CADM1: variants seen among roughly 807,000 people sequenced by gnomAD.
The protein encoded by CADM1 is cell adhesion molecule 1.
In CADM1, 15 loss-of-function variants were observed where a neutral mutation model predicts 53.1. The ratio of observed to expected loss-of-function variants is 0.28; its 90% CI spans 0.19 to 0.44. The LOEUF is 0.44. Ranked by LOEUF, CADM1 falls within the 20% of genes least tolerant of loss-of-function variation. The pLI, the probability that CADM1 is intolerant of heterozygous loss-of-function variation, is 1.00. For missense variants in CADM1, 434 were observed against 611.3 expected (o/e 0.71, Z 3.06); for synonymous variants, 281 against 243.0 (o/e 1.16, Z -1.45).
chr11:115,169,310 G>T lies in CADM1; in HGVS notation c.*7164C>A. 4.5e-6 allele frequency: 1 copy of T among 220,530 alleles called. No homozygotes were observed. Among genetic ancestry groups the T allele is most frequent in the South Asian group, 5.8e-5 (1 of 17,110 alleles). 13.7% of individuals were successfully genotyped at this position (220,530 alleles called of 1,614,324 possible). A position where few individuals can be genotyped will look rare whatever the true frequency, so the allele number is the denominator to read the frequency against. On this transcript the variant is annotated 3_prime_UTR_variant, in exon 12 of 12. Coordinates refer to ENST00000331581, the MANE Select transcript of CADM1 (RefSeq NM_001301043.2). ...TTGGCTGGGGCTAACGTGACTCAAG[G>T]CCCTTCTCGATGCATTGGTGTCTCT...
At position 115,174,320 on chromosome 11, in the gene CADM1, G is replaced by A. The variant is rs1366726132; in HGVS notation, c.*2154C>T. 4.1e-6 allele frequency: 4 copies of A among 981,936 alleles called. No homozygotes were observed. In the African/African-American group the frequency reaches 7.1e-5, roughly 17 times the overall value. 60.8% of individuals were successfully genotyped at this position (981,936 alleles called of 1,614,324 possible). On this transcript the variant is annotated 3_prime_UTR_variant, in exon 12 of 12. Coordinates refer to ENST00000331581, the MANE Select transcript of CADM1 (RefSeq NM_001301043.2). ...TTCTTTTTTTCTAAAAAGAACAACTGAAAAAAAACCTTTCAACAACATGCT... is the reference window on the plus strand; with the variant it reads ...TTCTTTTTTTCTAAAAAGAACAACTAAAAAAAAACCTTTCAACAACATGCT...
chr11:115,200,160 G>A (rs1441852047), intron 8 of CADM1, among the ~76,000 whole-genome samples: 35 of 152,200 alleles, frequency 2.3e-4, no homozygotes, highest in Non-Finnish European at 2.4e-4. Context: ...ATGAAGGAAA[G>A]AGAAACATAC....
chr11:115,234,916 AAAAAAT>A, intron 3 of CADM1, among the ~76,000 whole-genome samples: 1 of 151,508 alleles, frequency 6.6e-6, no homozygotes, highest in African/African-American at 2.4e-5. Context: ...AAAAAAAAAA[AAAAAAT>A]TTGCCCAGTG....
chr11:115,405,050 C>T (rs1947279964), intron 1 of CADM1, among the ~76,000 whole-genome samples: 1 of 152,092 alleles, frequency 6.6e-6, no homozygotes, highest in African/African-American at 2.4e-5. Context: ...GTCTCAAACT[C>T]CTAGGCTCAA....
chr11:115,476,416 A>ATTGT (rs142381133), intron 1 of CADM1, among the ~76,000 whole-genome samples: 5 of 151,906 alleles, frequency 3.3e-5, no homozygotes, highest in African/African-American at 4.8e-5. Flanking sequence ...TGTTTGTTTG[A>ATTGT]TTGTTTGTTT....
At chr11:115,497,906 C>CA (rs1244804451) in intron 1 of CADM1, among the ~76,000 whole-genome samples, 2 of 103,632 alleles carry the variant, frequency 1.9e-5, no homozygotes, top group African/African-American at 3.7e-5. Flanking sequence ...TGTCTGGAAA[C>CA]AAAAAAACCA....
Position 115,411,979 on chromosome 11 carries a change from C to T in CADM1, c.124+92292G>A, listed in dbSNP as rs552672253. Among the ~76,000 whole-genome samples the T allele has an allele frequency of 1.1e-4, 17 of 152,114 alleles. No individual in the cohort carries two copies. The South Asian group carries it at 3.3e-3, about 30-fold the overall frequency. ...CTAAAAACAGAAATTTTTACAAAAC[C>T]ACTAATAACAGACTTCAAGATTTTT... On this transcript the variant is annotated intron_variant, in intron 1 of 11. Coordinates refer to ENST00000331581, the MANE Select transcript of CADM1 (RefSeq NM_001301043.2).
intron 1 of CADM1, among the ~76,000 whole-genome samples, chr11:115,320,381 AG>A (rs1339920597): frequency 7.1e-4 from 108 of 152,316 alleles, no homozygotes; most frequent in African/African-American, 2.4e-3. Context: ...AATTTTAATT[AG>A]ATGAAAATCT....
intron 1 of CADM1, among the ~76,000 whole-genome samples, chr11:115,464,504 A>G (rs1948857198): frequency 6.6e-6 from 1 of 152,146 alleles, no homozygotes; most frequent in Non-Finnish European, 1.5e-5. Flanking sequence ...CTAACCCACA[A>G]TCCACATCTG....
intron 1 of CADM1, among the ~76,000 whole-genome samples, chr11:115,280,691 G>T (rs534115301): frequency 6.6e-6 from 1 of 152,342 alleles, no homozygotes; most frequent in Admixed American, 6.5e-5. Flanking sequence ...TCACAGATCC[G>T]TGGTGTATCT....
chr11:115,207,069 C>T lies in CADM1; in HGVS notation c.1078+2505G>A, dbSNP rs143391886. On this transcript the variant is annotated intron_variant, in intron 8 of 11. Coordinates refer to ENST00000331581, the MANE Select transcript of CADM1 (RefSeq NM_001301043.2). Reference sequence around the variant, plus strand: ...AAATTCTACAAGTGTACTTTCTGGGCAAGATAAATATATATAAGACTGCTT... The same window carrying T: ...AAATTCTACAAGTGTACTTTCTGGGTAAGATAAATATATATAAGACTGCTT... 4.6e-4 allele frequency among the ~76,000 whole-genome samples: 70 copies of T among 151,940 alleles called. No homozygotes were observed. In the East Asian group the frequency reaches 0.012, roughly 26 times the overall value.
chr11:115,257,551 G>T (rs1384318466), intron 1 of CADM1, among the ~76,000 whole-genome samples: 1 of 152,204 alleles, frequency 6.6e-6, no homozygotes, highest in Non-Finnish European at 1.5e-5. Context: ...ATAGGAGTTA[G>T]TGTATCCAGT....
At chr11:115,235,013 A>G (rs1283042575) in intron 3 of CADM1, among the ~76,000 whole-genome samples, 2 of 151,996 alleles carry the variant, frequency 1.3e-5, no homozygotes, top group East Asian at 1.9e-4. Flanking sequence ...AAGCCCATAA[A>G]TAGTTTTCTC....
intron 1 of CADM1, among the ~76,000 whole-genome samples, chr11:115,413,927 G>T (rs1329549310): frequency 5.9e-5 from 9 of 152,154 alleles, no homozygotes; most frequent in Admixed American, 4.6e-4. Flanking sequence ...ACAGGTGTGA[G>T]CCACCACACC....
In CADM1 at chr11:115,393,086, A is replaced by AG. The variant is rs1374698547; in HGVS notation, c.124+111184_124+111185insC. On this transcript the variant is annotated intron_variant, in intron 1 of 11. Coordinates refer to ENST00000331581, the MANE Select transcript of CADM1 (RefSeq NM_001301043.2). ...TCTTCCAAAAAAAAAAAAAAAAAAA[A>AG]AAAAGGAGAAATAGCCCATTCAATT... 2.7e-5 allele frequency among the ~76,000 whole-genome samples: 4 copies of AG among 150,692 alleles called. 1 individual carries two copies. The East Asian group carries it at 7.7e-4, about 29-fold the overall frequency.
chr11:115,237,372 G>T (rs1942046090), intron 3 of CADM1, among the ~76,000 whole-genome samples: 2 of 152,048 alleles, frequency 1.3e-5, no homozygotes, highest in Non-Finnish European at 2.9e-5. Context: ...TTCTAAAATT[G>T]ATACTCCTCT....
intron 1 of CADM1, among the ~76,000 whole-genome samples, chr11:115,251,551 T>A (rs188250345): frequency 7.9e-5 from 12 of 152,282 alleles, no homozygotes; most frequent in African/African-American, 2.9e-4. Context: ...AAATCCATGA[T>A]AATCATCATG....
intron 4 of CADM1, among the ~76,000 whole-genome samples, chr11:115,229,632 A>T (rs528655820): frequency 6.6e-6 from 1 of 152,308 alleles, no homozygotes; most frequent in African/African-American, 2.4e-5. Flanking sequence ...GGAGAAAAAG[A>T]AAAATGTTTT....
At chr11:115,275,924 T>C (rs955844380) in intron 1 of CADM1, among the ~76,000 whole-genome samples, 4 of 152,102 alleles carry the variant, frequency 2.6e-5, no homozygotes, top group Non-Finnish European at 5.9e-5. Flanking sequence ...CCACAGAACA[T>C]CCAGGAAACA....
Sources: allele counts gnomAD v4.1 joint callset (sites outside exome capture counted in the v4.1 genomes callset), GRCh38; gene constraint gnomAD v4.1.1; transcripts MANE v1.5; gene names NCBI Gene and HGNC (gene_info 2026-07-23, HGNC 2026-07-21).